Variants in SGPP2 observed in about 807,000 individuals in gnomAD.
SGPP2 encodes the protein sphingosine-1-phosphate phosphatase 2, also known as sphingosine 1-phosphate phosphohydrolase 2.
A neutral mutation model predicts 33.9 loss-of-function variants in SGPP2; 30 were observed. The ratio of observed to expected loss-of-function variants is 0.89; its 90% CI spans 0.66 to 1.20. SGPP2 has a LOEUF of 1.20. SGPP2 is among the 50% of genes most tolerant of loss of function. The pLI is 0.00. For missense variants in SGPP2, 458 were observed against 532.1 expected (o/e 0.86, Z 1.37); for synonymous variants, 233 against 225.0 (o/e 1.04, Z -0.32).
At chr2:222,443,640 T>C (rs1355309643) in intron 1 of SGPP2, among the ~76,000 whole-genome samples, 1 of 152,226 alleles carries the variant, frequency 6.6e-6, no homozygotes. Context: ...AGAGTAGATA[T>C]TGTTTGTTTT....
intron 4 of SGPP2, among the ~76,000 whole-genome samples, chr2:222,544,630 A>C (rs1484894640): frequency 6.6e-6 from 1 of 152,216 alleles, no homozygotes; most frequent in East Asian, 1.9e-4. Context: ...ATGACAAGAA[A>C]AAAAGTCTGT....
At chr2:222,536,832 C>A (rs962105604) in intron 4 of SGPP2, among the ~76,000 whole-genome samples, 1 of 152,054 alleles carries the variant, frequency 6.6e-6, no homozygotes, top group Non-Finnish European at 1.5e-5. Context: ...TATTTGTAAG[C>A]CTCTGAGTTA....
intron 1 of SGPP2, among the ~76,000 whole-genome samples, chr2:222,433,523 T>C (rs893099071): frequency 7.9e-5 from 12 of 152,320 alleles, no homozygotes; most frequent in South Asian, 6.2e-4. Context: ...CTGACATGCC[T>C]GGAGCAACCA....
Position 222,529,363 on chromosome 2 carries a change from C to T in SGPP2, c.648+4330C>T, listed in dbSNP as rs1698806507. 2.6e-5 allele frequency among the ~76,000 whole-genome samples: 4 copies of T among 152,064 alleles called. No individual in the cohort carries two copies. In the South Asian group the frequency reaches 8.3e-4, roughly 32 times the overall value. On this transcript the variant is annotated intron_variant, in intron 4 of 4. Transcript: ENST00000321276. ...TTTTTTTAATTTTTTGAGACAGAGT[C>T]TCACTCTGTCACCCAGGCTGGAGTG...
intron 1 of SGPP2, among the ~76,000 whole-genome samples, chr2:222,448,675 C>T (rs999677572): frequency 6.6e-6 from 1 of 152,218 alleles, no homozygotes; most frequent in African/African-American, 2.4e-5. Flanking sequence ...CTCAGAAAGA[C>T]ATGCTTTTCC....
At chr2:222,425,831 C>T (rs1271477705) in intron 1 of SGPP2, among the ~76,000 whole-genome samples, 2 of 152,060 alleles carry the variant, frequency 1.3e-5, no homozygotes, top group African/African-American at 4.8e-5. Flanking sequence ...TGAGGAATTA[C>T]GAAGAACCTG....
intron 1 of SGPP2, among the ~76,000 whole-genome samples, chr2:222,431,062 C>T (rs184825062): frequency 1.2e-4 from 18 of 151,938 alleles, no homozygotes; most frequent in Non-Finnish European, 2.4e-4. Context: ...AATATTGTAA[C>T]AAATGTATCA....
In SGPP2 at chr2:222,470,730, G is replaced by C. The variant is rs375291787; in HGVS notation, c.220-3838G>C. 9.9e-5 allele frequency among the ~76,000 whole-genome samples: 15 copies of C among 152,246 alleles called. No individual in the cohort carries two copies. In the East Asian group the frequency reaches 1.5e-3, roughly 16 times the overall value. Reference sequence around the variant, plus strand: ...AGCAGCGAGGCTTTTGTTAGAGTTCGGCAAAATTTATCCTTGTAAAGCTTC... The same window carrying C: ...AGCAGCGAGGCTTTTGTTAGAGTTCCGCAAAATTTATCCTTGTAAAGCTTC... On this transcript the variant is annotated intron_variant, in intron 1 of 4. Coordinates refer to ENST00000321276, the MANE Select transcript of SGPP2 (RefSeq NM_152386.4).
At chr2:222,479,232 T>C (rs1697992900) in intron 2 of SGPP2, among the ~76,000 whole-genome samples, 1 of 152,128 alleles carries the variant, frequency 6.6e-6, no homozygotes, top group South Asian at 2.1e-4. Flanking sequence ...CTAAGTAGCA[T>C]AAGGAGCACA....
At chr2:222,429,165 G>C (rs1441075733) in intron 1 of SGPP2, among the ~76,000 whole-genome samples, 1 of 152,180 alleles carries the variant, frequency 6.6e-6, no homozygotes, top group African/African-American at 2.4e-5. Flanking sequence ...TAGTCACTTA[G>C]AGAAGCTTTC....
intron 1 of SGPP2, among the ~76,000 whole-genome samples, chr2:222,454,721 C>T (rs1388600625): frequency 2.1e-5 from 3 of 143,580 alleles, no homozygotes. Flanking sequence ...TTGGACCAAA[C>T]AGTGGAGCTG....
intron 1 of SGPP2, among the ~76,000 whole-genome samples, chr2:222,438,578 G>A (rs1574830834): frequency 6.6e-6 from 1 of 152,206 alleles, no homozygotes; most frequent in East Asian, 1.9e-4. Flanking sequence ...CCAAGTCAGT[G>A]GTTGCATACC....
At chr2:222,439,664 A>G (rs1171635131) in intron 1 of SGPP2, among the ~76,000 whole-genome samples, 1 of 152,246 alleles carries the variant, frequency 6.6e-6, no homozygotes, top group African/African-American at 2.4e-5. Context: ...ACTTGGATGT[A>G]TGTCACGGGC....
chr2:222,520,634 G>A (rs539299460), intron 2 of SGPP2, among the ~76,000 whole-genome samples: 7 of 150,220 alleles, frequency 4.7e-5, no homozygotes, highest in Admixed American at 2.0e-4. Context: ...GGAGTCTGAC[G>A]CAAGAGAATT....
intron 1 of SGPP2, among the ~76,000 whole-genome samples, chr2:222,473,877 T>G (rs1016866306): frequency 6.8e-6 from 1 of 146,154 alleles, no homozygotes; most frequent in South Asian, 2.1e-4. Context: ...TGAGCCAAAA[T>G]TGTGCCATTG....
intron 3 of SGPP2, among the ~76,000 whole-genome samples, chr2:222,523,752 A>G (rs1698718690): frequency 6.6e-6 from 1 of 151,422 alleles, no homozygotes; most frequent in Admixed American, 6.6e-5. Flanking sequence ...ATATTGGTTT[A>G]TGTGTGTTGA....
At chr2:222,544,194 C>T (rs1689137546) in intron 4 of SGPP2, among the ~76,000 whole-genome samples, 1 of 152,166 alleles carries the variant, frequency 6.6e-6, no homozygotes, top group Non-Finnish European at 1.5e-5. Context: ...GTAACCTGAC[C>T]AAGGTCGTGT....
intron 1 of SGPP2, among the ~76,000 whole-genome samples, chr2:222,432,959 T>C (rs374947549): frequency 4.5e-4 from 68 of 151,926 alleles, no homozygotes; most frequent in African/African-American, 1.6e-3. Flanking sequence ...AAGCAGAGGT[T>C]GCGGTAAGCC....
At position 222,508,695 on chromosome 2, in the gene SGPP2, G is replaced by T. The variant is rs117036598; in HGVS notation, c.379-13072G>T. ...CTGAGCTTTAAAAAGAGGGAACATT[G>T]GAAAGAATGAGAAAATGTTGTAACT... On this transcript the variant is annotated intron_variant, in intron 2 of 4. Transcript: ENST00000321276. Among the ~76,000 whole-genome samples the T allele has an allele frequency of 1.3e-3, 191 of 152,182 alleles. 4 individuals carry two copies. The East Asian group carries it at 0.03, about 24-fold the overall frequency.
Sources: gnomAD v4.1 joint callset for allele counts (sites outside exome capture counted in the v4.1 genomes callset) on GRCh38, gnomAD v4.1.1 for gene constraint, MANE v1.5 for transcripts, NCBI Gene and HGNC (gene_info 2026-07-23, HGNC 2026-07-21) for gene names.